The following LRRC1 variants were observed in gnomAD, a reference collection of about 807,000 sequenced individuals.
LRRC1 encodes the protein leucine rich repeat containing 1, also known as leucine-rich repeat-containing protein 1.
In LRRC1, 28 loss-of-function variants were observed where a neutral mutation model predicts 69.9. That is an observed-to-expected ratio of 0.40 (90% CI 0.30 to 0.55). The LOEUF is 0.55. Ranked by LOEUF, LRRC1 falls within the 20% of genes least tolerant of loss-of-function variation. The probability of loss-of-function intolerance (pLI) is 0.47; values close to 1 mark genes in which losing one functional copy is unlikely to be tolerated. For missense variants in LRRC1, 498 were observed against 609.0 expected, an observed-to-expected ratio of 0.82 and a Z score of 1.92; for synonymous variants, 236 against 240.2, an observed-to-expected ratio of 0.98 and a Z score of 0.16.
At chr6:53,808,150 A>C (rs1240637038) in intron 1 of LRRC1, among the ~76,000 whole-genome samples, 1 of 152,232 alleles carries the variant, frequency 6.6e-6, no homozygotes, top group Non-Finnish European at 1.5e-5. Context: ...ATAGGAAGAG[A>C]AGAAGCAGGG....
chr6:53,811,969 A>T (rs1310422087), intron 1 of LRRC1, among the ~76,000 whole-genome samples: 1 of 152,260 alleles, frequency 6.6e-6, no homozygotes, highest in Non-Finnish European at 1.5e-5. Context: ...ACACCTGAGC[A>T]GATCAGGTCG....
intron 1 of LRRC1, among the ~76,000 whole-genome samples, chr6:53,823,424 C>A (rs565239021): frequency 6.6e-6 from 1 of 152,290 alleles, no homozygotes; most frequent in African/African-American, 2.4e-5. Flanking sequence ...TAGGGTTTTT[C>A]TACCTGATTT....
chr6:53,876,715 A>T (rs760825985), intron 2 of LRRC1, among the ~76,000 whole-genome samples: 2 of 152,202 alleles, frequency 1.3e-5, no homozygotes, highest in Admixed American at 1.3e-4. Context: ...CTTTGACTCC[A>T]TGTCTCACAT....
chr6:53,854,185 G>A (rs1287514776), intron 2 of LRRC1, among the ~76,000 whole-genome samples: 2 of 152,198 alleles, frequency 1.3e-5, no homozygotes, highest in Admixed American at 1.3e-4. Flanking sequence ...CAATAAGCTT[G>A]CCTCTTTGAA....
At chr6:53,819,052 C>G (rs1003301118) in intron 1 of LRRC1, among the ~76,000 whole-genome samples, 1 of 152,036 alleles carries the variant, frequency 6.6e-6, no homozygotes, top group African/African-American at 2.4e-5. Flanking sequence ...TAGCATTGAC[C>G]CATGTGGGGG....
intron 1 of LRRC1, among the ~76,000 whole-genome samples, chr6:53,816,682 A>T (rs1239547819): frequency 2.0e-5 from 3 of 151,418 alleles, no homozygotes; most frequent in Non-Finnish European, 4.4e-5. Context: ...ATTTTCTAGG[A>T]TACTTTGTAA....
At chr6:53,896,469 T>C (rs760751052) in intron 4 of LRRC1, 29 bp from the exon 5 acceptor site, 13 of 1,594,704 alleles carry the variant, frequency 8.2e-6, no homozygotes, top group East Asian at 6.7e-5. Context: ...ATTTCTCTTA[T>C]GCTTTTTTTT....
At position 53,896,568 on chromosome 6, in the gene LRRC1, G is replaced by A; in HGVS notation, c.503+14G>A. 5 of 1,599,282 alleles carry A rather than the reference G, an allele frequency of 3.1e-6. No homozygotes were observed. The highest frequency in any genetic ancestry group is 2.6e-6 in the Non-Finnish European group (3 of 1,166,746). On this transcript the variant is annotated intron_variant, in intron 5 of 13. Transcript: ENST00000370888. ...ATATCTTCCTGAGTGAGTCTTTGGGGAAAATAAGAGGAGATTTTGTGCAGA... is the reference window on the plus strand; with the variant it reads ...ATATCTTCCTGAGTGAGTCTTTGGGAAAAATAAGAGGAGATTTTGTGCAGA...
At chr6:53,846,512 A>G (rs1188685386) in intron 2 of LRRC1, among the ~76,000 whole-genome samples, 2 of 152,222 alleles carry the variant, frequency 1.3e-5, no homozygotes, top group South Asian at 2.1e-4. Flanking sequence ...GGAGTGGGAC[A>G]AGACCCTGCT....
At chr6:53,845,384 G>A (rs752899820) in intron 2 of LRRC1, among the ~76,000 whole-genome samples, 2 of 152,088 alleles carry the variant, frequency 1.3e-5, no homozygotes, top group African/African-American at 4.8e-5. Context: ...CTAGGTAACC[G>A]AGTAGGCAAA....
intron 1 of LRRC1, among the ~76,000 whole-genome samples, chr6:53,841,318 T>C (rs1765783118): frequency 6.6e-6 from 1 of 152,364 alleles, no homozygotes; most frequent in South Asian, 2.1e-4. Flanking sequence ...CAGAGGTACC[T>C]GGACCTAGTT....
At chr6:53,893,754 T>A (rs538079028) in intron 4 of LRRC1, among the ~76,000 whole-genome samples, 1 of 152,326 alleles carries the variant, frequency 6.6e-6, no homozygotes, top group East Asian at 1.9e-4. Flanking sequence ...TGTTGATGTA[T>A]CACCCATACA....
At chr6:53,853,605 A>C (rs909454758) in intron 2 of LRRC1, among the ~76,000 whole-genome samples, 1 of 152,160 alleles carries the variant, frequency 6.6e-6, no homozygotes, top group East Asian at 1.9e-4. Context: ...TTATGGCTAG[A>C]AATGGGGTAT....
At chr6:53,839,568 C>T (rs1444129921) in intron 1 of LRRC1, among the ~76,000 whole-genome samples, 1 of 152,152 alleles carries the variant, frequency 6.6e-6, no homozygotes, top group African/African-American at 2.4e-5. Flanking sequence ...GAATATTTGC[C>T]TCCATATTGC....
intron 2 of LRRC1, among the ~76,000 whole-genome samples, chr6:53,852,932 C>T (rs1766184996): frequency 6.6e-6 from 1 of 152,150 alleles, no homozygotes; most frequent in Non-Finnish European, 1.5e-5. Flanking sequence ...AAATGTATTG[C>T]TCACAGTTCT....
chr6:53,798,053 T>A (rs780376926), intron 1 of LRRC1, among the ~76,000 whole-genome samples: 20 of 152,232 alleles, frequency 1.3e-4, no homozygotes, highest in Non-Finnish European at 2.4e-4. Flanking sequence ...AATATAGAGA[T>A]TAAAGGAGGC....
chr6:53,842,608 C>G (rs1765826414), intron 2 of LRRC1, among the ~76,000 whole-genome samples: 1 of 152,046 alleles, frequency 6.6e-6, no homozygotes, highest in Non-Finnish European at 1.5e-5. Flanking sequence ...TAACCTTGTC[C>G]ACTTATTTTG....
chr6:53,879,953 T>A (rs893105505), intron 3 of LRRC1, among the ~76,000 whole-genome samples: 1 of 152,190 alleles, frequency 6.6e-6, no homozygotes, highest in African/African-American at 2.4e-5. Flanking sequence ...TAGATGTCTC[T>A]TTGGGCCAGG....
At chr6:53,835,529 A>T (rs1013979648) in intron 1 of LRRC1, among the ~76,000 whole-genome samples, 3 of 152,212 alleles carry the variant, frequency 2.0e-5, no homozygotes, top group Non-Finnish European at 4.4e-5. Context: ...CGCTTATTTA[A>T]CTAATACTTA....
Sources: allele counts gnomAD v4.1 joint callset (sites outside exome capture counted in the v4.1 genomes callset), GRCh38; gene constraint gnomAD v4.1.1; transcripts MANE v1.5; gene names NCBI Gene and HGNC (gene_info 2026-07-23, HGNC 2026-07-21).